Variants in ITIH6 observed in about 807,000 individuals in gnomAD.
The protein encoded by ITIH6 is inter-alpha-trypsin inhibitor heavy chain H6.
ITIH6 carries 60 observed loss-of-function variants against 58.2 expected under a neutral mutation model. That is an observed-to-expected ratio of 1.03 (90% CI 0.84 to 1.28). The LOEUF (loss-of-function observed/expected upper bound fraction) is 1.28. Among genes scored for constraint, ITIH6 ranks in the 50% most tolerant of loss-of-function variants. The pLI, the probability that ITIH6 is intolerant of heterozygous loss-of-function variation, is 0.00. For synonymous variants in ITIH6, 493 were observed against 417.4 expected (o/e 1.18, Z -2.21); for missense variants, 1,290 against 1,021.1 (o/e 1.26, Z -3.59).
intron 5 of ITIH6, among the ~76,000 whole-genome samples, chrX:54,784,542 A>C (rs1929209073): frequency 8.9e-6 from 1 of 112,377 alleles, no homozygotes; most frequent in Admixed American, 9.4e-5. Flanking sequence ...ATTTGAATAG[A>C]TATTTCTCAA....
In ITIH6 at chrX:54,758,407, A is replaced by G; in HGVS notation, c.1667T>C (p.Val556Ala). 1 of 1,210,646 alleles carries G rather than the reference A, an allele frequency of 8.3e-7. No homozygotes were observed. The highest frequency in any genetic ancestry group is 3.0e-5 in the East Asian group (1 of 33,789). Residue 556 changes from valine to alanine, a missense_variant, in exon 8 of 13, where the codon GTG becomes GCG. Physicochemically the swap from Val to Ala is moderately conservative, Grantham distance 64 (BLOSUM62 0). Coordinates refer to ENST00000218436, the MANE Select transcript of ITIH6 (RefSeq NM_198510.3). The stretch of plus-strand genomic sequence containing the variant: ...CCAGAGGCGGCGGATGAAGTGGGCC[A>G]CATTGGGGGCTGGCTCCCCTGGGCA... ...FGCPGEPAPN[V>A]AHFIRRLWAY... is the part of the protein sequence containing the mutation.
At chrX:54,777,529 G>C (rs913412500) in intron 5 of ITIH6, among the ~76,000 whole-genome samples, 5 of 112,525 alleles carry the variant, frequency 4.4e-5, no homozygotes, top group African/African-American at 1.6e-4. Context: ...CTTCAAGTCT[G>C]ACCCAACGCA....
In ITIH6 at chrX:54,757,327, C is replaced by A; in HGVS notation, c.2747G>T (p.Ser916Ile). 1 of 1,198,235 alleles carries A rather than the reference C, an allele frequency of 8.3e-7. No homozygotes were observed. Among genetic ancestry groups the A allele is most frequent in the Non-Finnish European group, 1.1e-6 (1 of 888,173 alleles). ...NTISSSTGPS[S>I]TTTTSVLGEP... ...TCCAAGGACAGAGGTGGTTGTGGTA[C>A]TGCTGGGACCTGTGGAACTTGAGAT... Residue 916 changes from serine to isoleucine, a missense_variant, in exon 8 of 13, where the codon AGT becomes ATT. Ser to Ile is a moderately radical substitution (Grantham distance 142, BLOSUM62 -2). Coordinates refer to ENST00000218436, the MANE Select transcript of ITIH6 (RefSeq NM_198510.3).
At chrX:54,753,820 A>G in intron 10 of ITIH6, 56 bp from the exon 11 acceptor site, 4 of 1,123,141 alleles carry the variant, frequency 3.6e-6, no homozygotes, top group African/African-American at 1.8e-5. Context: ...AGGGAGAGGG[A>G]AAGAGAGAGG....
At chrX:54,763,774 T>G (rs1928705227) in intron 6 of ITIH6, among the ~76,000 whole-genome samples, 1 of 112,214 alleles carries the variant, frequency 8.9e-6, no homozygotes, top group African/African-American at 3.2e-5. Flanking sequence ...GATGATGAAG[T>G]CTCTAATTAT....
intron 11 of ITIH6, among the ~76,000 whole-genome samples, chrX:54,752,379 A>G (rs761625914): frequency 8.9e-6 from 1 of 112,054 alleles, no homozygotes; most frequent in East Asian, 2.8e-4. Flanking sequence ...TGGTAAAATT[A>G]TTGGCATTTT....
Position 54,758,309 on chromosome X carries a change from C to T in ITIH6, c.1765G>A (p.Ala589Thr), listed in dbSNP as rs1225517775. Reference protein sequence around the residue: ...ARDTTTRHLLAAKVLNLSLEY... With the variant: ...ARDTTTRHLLTAKVLNLSLEY... ...AGGGACAGGTTGAGGACTTTGGCAG[C>T]CAGCAGGTGGCGAGTGGTGGTGTCA... is the stretch of plus-strand genomic sequence containing the variant. The change falls in exon 8 of 13, where the codon GCT (alanine) becomes ACT (threonine). Residue 589 changes from alanine to threonine, a missense_variant. Ala to Thr is a moderately conservative substitution (Grantham distance 58, BLOSUM62 0). Transcript: ENST00000218436. 2 of 1,211,621 alleles carry T rather than the reference C, an allele frequency of 1.7e-6. No homozygotes were observed. The highest frequency in any genetic ancestry group is 5.9e-5 in the East Asian group (2 of 33,820).
chrX:54,769,041 C>T (rs1602059294), intron 6 of ITIH6, among the ~76,000 whole-genome samples: 1 of 105,796 alleles, frequency 9.5e-6, no homozygotes, highest in African/African-American at 3.6e-5. Context: ...TTGGTCTTTT[C>T]ACATAGTCCC....
intron 5 of ITIH6, among the ~76,000 whole-genome samples, chrX:54,779,938 A>G (rs1929120298): frequency 8.9e-6 from 1 of 111,970 alleles, no homozygotes; most frequent in African/African-American, 3.2e-5. Context: ...GAAGGTAGCA[A>G]TATAATGATA....
intron 6 of ITIH6, among the ~76,000 whole-genome samples, chrX:54,763,678 C>T (rs757969110): frequency 1.8e-5 from 2 of 111,974 alleles, no homozygotes; most frequent in Non-Finnish European, 3.8e-5. Flanking sequence ...AATGTCAATT[C>T]GATCCAGTTA....
rs377762816 is a variant in ITIH6 at position 54,749,975 on chromosome X, G to A, written c.3862C>T (p.Arg1288Cys). 24 of 1,209,941 alleles carry A rather than the reference G, an allele frequency of 2.0e-5. No individual in the cohort carries two copies. Among genetic ancestry groups the A allele is most frequent in the African/African-American group, 1.2e-4 (7 of 57,216 alleles). Residue 1288 changes from arginine to cysteine, a missense_variant, in exon 13 of 13, where the codon CGC becomes TGC. By Grantham distance (180) the Arg-to-Cys change is radical. Transcript: ENST00000218436. ...LLKDSPRLLPRWASCWLVKRS... is the reference protein window; with the variant it reads ...LLKDSPRLLPCWASCWLVKRS... ...TTCACCAGCCAGCAGGAAGCCCAGC[G>A]GGGCAGCAGCCTTGGTGAGTCCTTC...
chrX:54,750,853 G>A (rs1928337485), intron 12 of ITIH6, 150 bp downstream of exon 12: 6 of 571,739 alleles, frequency 1.0e-5, no homozygotes, highest in Admixed American at 8.2e-5. Flanking sequence ...CCATATCTGG[G>A]TCTGTCCTCT....
chrX:54,782,313 G>A (rs1189281112), intron 5 of ITIH6, among the ~76,000 whole-genome samples: 1 of 111,590 alleles, frequency 9.0e-6, no homozygotes, highest in African/African-American at 3.3e-5. Flanking sequence ...CTACTCAAGA[G>A]GCTGAGGCAG....
At chrX:54,750,601 T>C (rs1036674822) in intron 12 of ITIH6, among the ~76,000 whole-genome samples, 4 of 111,422 alleles carry the variant, frequency 3.6e-5, no homozygotes, top group Non-Finnish European at 7.5e-5. Flanking sequence ...CCTCATTGCT[T>C]TCAGGATAAA....
intron 5 of ITIH6, among the ~76,000 whole-genome samples, chrX:54,784,603 C>T (rs181805568): frequency 1.1e-4 from 12 of 112,229 alleles, no homozygotes; most frequent in Admixed American, 1.9e-4. Context: ...CTCAACATCA[C>T]TGATCATCAG....
intron 6 of ITIH6, among the ~76,000 whole-genome samples, chrX:54,769,725 A>C (rs1254066610): frequency 2.1e-5 from 2 of 94,552 alleles, no homozygotes; most frequent in Non-Finnish European, 4.2e-5. Context: ...TTGAGGAGGC[A>C]GTCTGCCCGT....
intron 11 of ITIH6, among the ~76,000 whole-genome samples, 174 bp from the exon 12 acceptor site, chrX:54,751,554 T>G (rs1450541642): frequency 8.9e-6 from 1 of 111,956 alleles, no homozygotes; most frequent in Non-Finnish European, 1.9e-5. Flanking sequence ...GTGTGTGGAG[T>G]GGGGGCATGT....
intron 5 of ITIH6, 37 bp from the exon 6 acceptor site, chrX:54,774,234 A>C (rs1569544154): frequency 1.3e-6 from 1 of 793,364 alleles, no homozygotes; most frequent in Non-Finnish European, 1.8e-6. Context: ...TAGAACCAAG[A>C]AGAACAGTGA....
At chrX:54,755,173 C>A in intron 8 of ITIH6, 64 bp from the exon 9 acceptor site, 1 of 1,021,158 alleles carries the variant, frequency 9.8e-7, no homozygotes, top group African/African-American at 1.8e-5. Context: ...CAAAATCTTT[C>A]TGACAAGGAG....
Sources: gnomAD v4.1 joint callset for allele counts (sites outside exome capture counted in the v4.1 genomes callset) on GRCh38, gnomAD v4.1.1 for gene constraint, MANE v1.5 for transcripts, NCBI Gene and HGNC (gene_info 2026-07-23, HGNC 2026-07-21) for gene names.